ADAM12: variants seen among roughly 807,000 people sequenced by gnomAD.
ADAM12 encodes ADAM metallopeptidase domain 12.
In ADAM12, 70 loss-of-function variants were observed where a neutral mutation model predicts 106.4. The ratio of observed to expected loss-of-function variants is 0.66; its 90% CI spans 0.54 to 0.80. The LOEUF (loss-of-function observed/expected upper bound fraction) is 0.80, where lower values mean the gene tolerates loss of function less well. Among genes scored for constraint, ADAM12 ranks in the 30% least tolerant of loss-of-function variants. The probability of loss-of-function intolerance (pLI) is 0.00; values close to 1 mark genes in which losing one functional copy is unlikely to be tolerated. For synonymous variants in ADAM12, 420 were observed against 433.5 expected (o/e 0.97, Z 0.39); for missense variants, 1,010 against 1,171.9 (o/e 0.86, Z 2.02).
chr10:126,267,128 C>T (rs529917116), intron 3 of ADAM12, among the ~76,000 whole-genome samples: 1 of 152,292 alleles, frequency 6.6e-6, no homozygotes, highest in South Asian at 2.1e-4. Flanking sequence ...CAATCATCTC[C>T]TCTGATAGGG....
chr10:126,023,733 G>T (rs1051616416), intron 21 of ADAM12, among the ~76,000 whole-genome samples: 4 of 152,142 alleles, frequency 2.6e-5, no homozygotes, highest in Non-Finnish European at 5.9e-5. Flanking sequence ...TGTCCTTGAG[G>T]ACTTGAAGCT....
At chr10:126,046,520 C>T (rs190064364) in intron 16 of ADAM12, among the ~76,000 whole-genome samples, 22 of 151,752 alleles carry the variant, frequency 1.4e-4, no homozygotes, top group African/African-American at 4.8e-4. Flanking sequence ...CAGGAGAGGG[C>T]GAGGTTGGGC....
At chr10:126,170,869 T>G (rs1026794315) in intron 3 of ADAM12, among the ~76,000 whole-genome samples, 8 of 152,126 alleles carry the variant, frequency 5.3e-5, no homozygotes, top group African/African-American at 1.9e-4. Flanking sequence ...CAACTGGGCT[T>G]CAAAAAACAA....
intron 21 of ADAM12, among the ~76,000 whole-genome samples, chr10:126,027,637 T>C (rs1030808349): frequency 2.0e-5 from 3 of 152,190 alleles, no homozygotes; most frequent in African/African-American, 7.2e-5. Context: ...TCTCAATAGA[T>C]GCAGAAAAAG....
At chr10:126,234,246 C>A (rs1343933669) in intron 3 of ADAM12, among the ~76,000 whole-genome samples, 1 of 152,046 alleles carries the variant, frequency 6.6e-6, no homozygotes, top group Non-Finnish European at 1.5e-5. Context: ...TCTTGGCTTA[C>A]TTGTGCTTAA....
intron 11 of ADAM12, among the ~76,000 whole-genome samples, chr10:126,083,899 C>A (rs3781024): frequency 6.6e-6 from 1 of 152,024 alleles, no homozygotes; most frequent in Non-Finnish European, 1.5e-5. Flanking sequence ...TCCATCCTCA[C>A]GTCCACTCCA....
chr10:126,117,012 G>A (rs74159807), intron 6 of ADAM12, among the ~76,000 whole-genome samples: 2,707 of 152,200 alleles, frequency 0.018, 81 homozygotes, highest in African/African-American at 0.062. Flanking sequence ...AAATGTTCTC[G>A]GACAGTCAAA....
At chr10:126,351,944 T>C (rs1031951932) in intron 1 of ADAM12, among the ~76,000 whole-genome samples, 2 of 152,058 alleles carry the variant, frequency 1.3e-5, no homozygotes, top group Non-Finnish European at 2.9e-5. Context: ...TCCGGCCTCG[T>C]CCCCTCTGCT....
chr10:126,027,648 T>G (rs1479522749), intron 21 of ADAM12, among the ~76,000 whole-genome samples: 1 of 152,072 alleles, frequency 6.6e-6, no homozygotes, highest in Non-Finnish European at 1.5e-5. Context: ...GCAGAAAAAG[T>G]CTTCAATAAA....
At chr10:126,047,269 C>T (rs1282263204) in intron 16 of ADAM12, among the ~76,000 whole-genome samples, 5 of 152,070 alleles carry the variant, frequency 3.3e-5, no homozygotes, top group African/African-American at 9.7e-5. Context: ...ACCATCCGAC[C>T]CCAACAGCTC....
intron 3 of ADAM12, among the ~76,000 whole-genome samples, chr10:126,166,238 T>C (rs1285386910): frequency 1.3e-5 from 2 of 152,226 alleles, no homozygotes; most frequent in African/African-American, 4.8e-5. Context: ...TATCTGTTCA[T>C]GAGCGAAGAG....
At chr10:126,186,349 A>G (rs766740829) in intron 3 of ADAM12, among the ~76,000 whole-genome samples, 37 of 152,186 alleles carry the variant, frequency 2.4e-4, no homozygotes, top group Non-Finnish European at 4.6e-4. Flanking sequence ...ATGTGGAGCA[A>G]TGTGGTGCTT....
chr10:126,386,052 G>T (rs1307627638), intron 1 of ADAM12, among the ~76,000 whole-genome samples: 1 of 152,132 alleles, frequency 6.6e-6, no homozygotes, highest in African/African-American at 2.4e-5. Context: ...TGGGTAGGTG[G>T]GAATATACTT....
At chr10:126,083,478 G>T (rs1247329850) in intron 11 of ADAM12, among the ~76,000 whole-genome samples, 1 of 152,224 alleles carries the variant, frequency 6.6e-6, no homozygotes, top group African/African-American at 2.4e-5. Flanking sequence ...GTTGGGAGAG[G>T]CAGCTGCTCC....
intron 3 of ADAM12, among the ~76,000 whole-genome samples, chr10:126,206,467 A>G (rs1957796366): frequency 6.6e-6 from 1 of 152,202 alleles, no homozygotes; most frequent in African/African-American, 2.4e-5. Flanking sequence ...CAAGCAGGGA[A>G]TTAAGTTAAT....
chr10:126,086,121 G>A (rs944879781), intron 11 of ADAM12, among the ~76,000 whole-genome samples: 1 of 152,122 alleles, frequency 6.6e-6, no homozygotes, highest in Non-Finnish European at 1.5e-5. Context: ...ATTCTCTGCT[G>A]TTGGAACATA....
intron 3 of ADAM12, among the ~76,000 whole-genome samples, chr10:126,200,955 C>T (rs1429512559): frequency 6.6e-6 from 1 of 152,110 alleles, no homozygotes; most frequent in African/African-American, 2.4e-5. Context: ...GTTCTAGAAA[C>T]AGTAGACCAG....
intron 3 of ADAM12, among the ~76,000 whole-genome samples, chr10:126,222,574 T>C (rs577718331): frequency 6.6e-6 from 1 of 151,616 alleles, no homozygotes; most frequent in Admixed American, 6.6e-5. Flanking sequence ...CGCCAGCTGG[T>C]ATACAACAGA....
intron 1 of ADAM12, among the ~76,000 whole-genome samples, chr10:126,342,540 A>G (rs190421191): frequency 5.4e-4 from 82 of 152,334 alleles, no homozygotes; most frequent in Middle Eastern, 3.4e-3. Flanking sequence ...AACTGTTTAA[A>G]TCCTTGCTTC....
Sources: gnomAD v4.1 joint callset for allele counts (sites outside exome capture counted in the v4.1 genomes callset) on GRCh38, gnomAD v4.1.1 for gene constraint, MANE v1.5 for transcripts, NCBI Gene and HGNC (gene_info 2026-07-23, HGNC 2026-07-21) for gene names.